Variants in CEP128 observed in about 807,000 individuals in gnomAD.
CEP128 encodes the protein centrosomal protein 128, also known as centrosomal protein 128kDa.
In CEP128, 132 loss-of-function variants were observed where a neutral mutation model predicts 156.7. The observed-to-expected ratio is 0.84, with a 90% CI of 0.73 to 0.97. CEP128 has a LOEUF of 0.97. Among genes scored for constraint, CEP128 ranks in the 50% least tolerant of loss-of-function variants. CEP128 has a pLI of 0.00. For synonymous variants in CEP128, 469 were observed against 448.9 expected (o/e 1.04, Z -0.57); for missense variants, 1,252 against 1,281.9 (o/e 0.98, Z 0.36).
At position 80,688,528 on chromosome 14, in the gene CEP128, C is replaced by T. The variant is rs1896603159; in HGVS notation, c.2806+54547G>A. ...TAGCAAGAAGCTCATTGCAATAGTTCCCAAACCTAGATAACTAATGTTATA... is the reference window on the plus strand; with the variant it reads ...TAGCAAGAAGCTCATTGCAATAGTTTCCAAACCTAGATAACTAATGTTATA... On this transcript the variant is annotated intron_variant, in intron 19 of 24. Coordinates refer to ENST00000555265, the MANE Select transcript of CEP128 (RefSeq NM_152446.5). 1.3e-5 allele frequency among the ~76,000 whole-genome samples: 2 copies of T among 152,138 alleles called. 1 individual carries two copies. The highest frequency in any genetic ancestry group is 4.1e-4 in the South Asian group (2 of 4,830).
At chr14:80,627,930 T>A (rs1052181425) in intron 19 of CEP128, among the ~76,000 whole-genome samples, 1 of 152,162 alleles carries the variant, frequency 6.6e-6, no homozygotes, top group Non-Finnish European at 1.5e-5. Flanking sequence ...TAAAAGTTTT[T>A]CAAGTGACCT....
intron 20 of CEP128, among the ~76,000 whole-genome samples, chr14:80,572,739 A>T (rs1307703248): frequency 6.6e-6 from 1 of 152,196 alleles, no homozygotes; most frequent in African/African-American, 2.4e-5. Context: ...TGCTATCTAC[A>T]TAAGCCCCAA....
At chr14:80,590,004 T>G (rs1891981439) in intron 19 of CEP128, among the ~76,000 whole-genome samples, 1 of 152,000 alleles carries the variant, frequency 6.6e-6, no homozygotes, top group East Asian at 1.9e-4. Flanking sequence ...CTTCACACAG[T>G]GGAAAATAAT....
intron 2 of CEP128, among the ~76,000 whole-genome samples, chr14:80,922,659 TAGA>T (rs1389563103): frequency 6.6e-6 from 1 of 152,124 alleles, no homozygotes; most frequent in Non-Finnish European, 1.5e-5. Flanking sequence ...TTATTAAGAG[TAGA>T]AGAAGAAAAA....
intron 13 of CEP128, among the ~76,000 whole-genome samples, chr14:80,816,311 G>C (rs1884854716): frequency 6.6e-6 from 1 of 152,118 alleles, no homozygotes; most frequent in South Asian, 2.1e-4. Flanking sequence ...TTCACCCACA[G>C]AGCGGCAGGC....
intron 21 of CEP128, among the ~76,000 whole-genome samples, chr14:80,546,386 G>C (rs1300150698): frequency 6.6e-6 from 1 of 152,150 alleles, no homozygotes; most frequent in Non-Finnish European, 1.5e-5. Flanking sequence ...CAACAGAGTT[G>C]GAGAGTATCA....
chr14:80,774,297 A>C (rs1440459759), intron 16 of CEP128, among the ~76,000 whole-genome samples: 1 of 152,210 alleles, frequency 6.6e-6, no homozygotes, highest in Non-Finnish European at 1.5e-5. Context: ...TTTAAAAAAA[A>C]GGCTGTGTGT....
chr14:80,668,191 A>G (rs1895704723), intron 19 of CEP128, among the ~76,000 whole-genome samples: 1 of 152,232 alleles, frequency 6.6e-6, no homozygotes. Flanking sequence ...AGTCAAGTTA[A>G]ATAATAGTCT....
chr14:80,842,879 A>G (rs1309382835), intron 9 of CEP128, among the ~76,000 whole-genome samples: 1 of 151,982 alleles, frequency 6.6e-6, no homozygotes, highest in African/African-American at 2.4e-5. Context: ...TACACGTTGA[A>G]GATCACAGCA....
intron 19 of CEP128, among the ~76,000 whole-genome samples, chr14:80,680,732 G>T (rs543262043): frequency 6.6e-6 from 1 of 152,294 alleles, no homozygotes; most frequent in African/African-American, 2.4e-5. Context: ...TCACCATGCA[G>T]AGAAATTGGG....
chr14:80,689,716 A>C (rs1394219421), intron 19 of CEP128, among the ~76,000 whole-genome samples: 1 of 152,192 alleles, frequency 6.6e-6, no homozygotes, highest in Non-Finnish European at 1.5e-5. Flanking sequence ...ACGCACATGT[A>C]TATTTACAAA....
chr14:80,918,192 G>A (rs1884665976), intron 2 of CEP128, among the ~76,000 whole-genome samples: 1 of 152,200 alleles, frequency 6.6e-6, no homozygotes, highest in African/African-American at 2.4e-5. Context: ...AATTGCTTAA[G>A]TCCAAAGGAA....
intron 8 of CEP128, among the ~76,000 whole-genome samples, chr14:80,880,790 G>T (rs1321603347): frequency 6.7e-6 from 1 of 150,128 alleles, no homozygotes; most frequent in East Asian, 1.9e-4. Flanking sequence ...GTGAATCTCG[G>T]AGGTGGAGGT....
intron 9 of CEP128, among the ~76,000 whole-genome samples, chr14:80,846,151 A>T (rs1886590508): frequency 6.6e-6 from 1 of 152,228 alleles, no homozygotes; most frequent in Non-Finnish European, 1.5e-5. Context: ...ATAAGTACAC[A>T]TAGCAAAGTA....
At chr14:80,605,128 G>A (rs994609898) in intron 19 of CEP128, among the ~76,000 whole-genome samples, 3 of 152,012 alleles carry the variant, frequency 2.0e-5, no homozygotes, top group Non-Finnish European at 2.9e-5. Flanking sequence ...TGGCCATAAC[G>A]ATCCTATCAA....
At chr14:80,895,310 G>A (rs1372867174) in intron 8 of CEP128, among the ~76,000 whole-genome samples, 1 of 152,060 alleles carries the variant, frequency 6.6e-6, no homozygotes, top group Non-Finnish European at 1.5e-5. Flanking sequence ...CATGTGAGAT[G>A]ACCTGAAAAT....
intron 19 of CEP128, among the ~76,000 whole-genome samples, chr14:80,729,053 G>C (rs1441235809): frequency 8.4e-6 from 1 of 118,654 alleles, no homozygotes; most frequent in Admixed American, 8.7e-5. Flanking sequence ...GGCTGGGCTG[G>C]TGGGGGTGTG....
chr14:80,618,020 T>C (rs978543894), intron 19 of CEP128, among the ~76,000 whole-genome samples: 5 of 152,192 alleles, frequency 3.3e-5, no homozygotes, highest in Non-Finnish European at 5.9e-5. Context: ...TTTAATTAGA[T>C]AATGCACGTA....
chr14:80,847,863 CA>C (rs1886687540), intron 9 of CEP128, among the ~76,000 whole-genome samples: 2 of 152,174 alleles, frequency 1.3e-5, no homozygotes, highest in South Asian at 4.1e-4. Context: ...CCCTAGTCCC[CA>C]GCGCAGTACC....
Sources: gnomAD v4.1 joint callset for allele counts (sites outside exome capture counted in the v4.1 genomes callset) on GRCh38, gnomAD v4.1.1 for gene constraint, MANE v1.5 for transcripts, NCBI Gene and HGNC (gene_info 2026-07-23, HGNC 2026-07-21) for gene names.